The following ANKRD11 variants were observed in gnomAD, a reference collection of about 807,000 sequenced individuals.
ANKRD11 encodes ankyrin repeat domain 11.
A neutral mutation model predicts 195.7 loss-of-function variants in ANKRD11; 17 were observed. That is an observed-to-expected ratio of 0.09 (90% CI 0.06 to 0.13). The LOEUF (loss-of-function observed/expected upper bound fraction) is 0.13. Ranked by LOEUF, ANKRD11 falls within the 10% of genes least tolerant of loss-of-function variation. The pLI, the probability that ANKRD11 is intolerant of heterozygous loss-of-function variation, is 1.00. For missense variants in ANKRD11, 3,735 were observed against 3,566.1 expected, an observed-to-expected ratio of 1.05 and a Z score of -1.21; for synonymous variants, 1,953 against 1,528.1, an observed-to-expected ratio of 1.28 and a Z score of -6.49.
At chr16:89,432,941 C>CCTCTCTCTCT (rs1420955760) in intron 1 of ANKRD11, among the ~76,000 whole-genome samples, 4 of 50,546 alleles carry the variant, frequency 7.9e-5, no homozygotes, top group African/African-American at 2.5e-4. Flanking sequence ...TGACAGAGAC[C>CCTCTCTCTCT]CTATCTCTCT....
chr16:89,425,011 G>A (rs1451940528), intron 1 of ANKRD11, among the ~76,000 whole-genome samples: 2 of 151,814 alleles, frequency 1.3e-5, no homozygotes, highest in African/African-American at 2.4e-5. Context: ...TCGAAGAGAG[G>A]AGGAGACTGG....
chr16:89,432,266 CA>C (rs2043012631), intron 1 of ANKRD11, among the ~76,000 whole-genome samples: 2 of 151,774 alleles, frequency 1.3e-5, no homozygotes, highest in African/African-American at 2.4e-5. Context: ...CACACACACA[CA>C]CACACACACA....
intron 1 of ANKRD11, among the ~76,000 whole-genome samples, chr16:89,476,964 T>C (rs1339959462): frequency 2.0e-5 from 3 of 152,282 alleles, no homozygotes; most frequent in South Asian, 2.1e-4. Context: ...CAATCTATAA[T>C]ACGAGGAGCT....
In ANKRD11 at chr16:89,311,847, G is replaced by A. The variant is rs199886914; in HGVS notation, c.87+5086C>T. On this transcript the variant is annotated intron_variant, in intron 3 of 12. Coordinates refer to ENST00000301030, the MANE Select transcript of ANKRD11 (RefSeq NM_013275.6). ...GGCTTTTTCTTTCTTAAAGTGGGAA[G>A]TTTTTGCTTTATTCTAATAATGAAA... 2.6e-4 allele frequency among the ~76,000 whole-genome samples: 40 copies of A among 152,300 alleles called. 1 individual carries two copies. In the East Asian group the frequency reaches 7.1e-3, roughly 27 times the overall value.
In ANKRD11 at chr16:89,291,004, C is replaced by G; in HGVS notation, c.397+9G>C. 6.2e-7 allele frequency: 1 copy of G among 1,610,794 alleles called. No homozygotes were observed. The highest frequency in any genetic ancestry group is 8.5e-7 in the Non-Finnish European group (1 of 1,179,756). On this transcript the variant is annotated intron_variant, in intron 5 of 12. Coordinates refer to ENST00000301030, the MANE Select transcript of ANKRD11 (RefSeq NM_013275.6). This position sits in a 1 kb window ranked among gnomAD's most constrained non-coding sequence, Gnocchi z 5.3. ...CCTGCGCCAGGGACCACCCACAGGC[C>G]GGGCTCACCTGGGCTGTTGGCAGAC...
chr16:89,489,252 C>A (rs1567875883), intron 1 of ANKRD11: 1 of 152,478 alleles, frequency 6.6e-6, no homozygotes, highest in Admixed American at 6.5e-5. Flanking sequence ...CGCGCACACA[C>A]ATACACCACA....
At chr16:89,362,005 C>T (rs572352134) in intron 2 of ANKRD11, among the ~76,000 whole-genome samples, 4 of 152,254 alleles carry the variant, frequency 2.6e-5, no homozygotes, top group Admixed American at 2.0e-4. Context: ...GCAGGAGGAC[C>T]CTGAATTTAT....
At position 89,279,330 on chromosome 16, in the gene ANKRD11, C is replaced by A; in HGVS notation, c.7212G>T (p.Thr2404=). The change falls in exon 9 of 13, where the codon ACG becomes ACT. Residue 2404 remains threonine, a synonymous_variant. Transcript: ENST00000301030. The surrounding 1 kb of genome is among the most constrained non-coding windows in gnomAD (Gnocchi z 5.6). The stretch of plus-strand genomic sequence containing the variant: ...GCTGGATCACCTCCCGCGTCTGCTG[C>A]GTGGACGTGTTCAGCTGCTGCTGCA... The part of the protein sequence containing the change: ...QQLQQQLNTS[T]QQTREVIQQT... 1.2e-6 allele frequency: 2 copies of A among 1,611,552 alleles called. No individual in the cohort carries two copies. The highest frequency in any genetic ancestry group is 1.7e-6 in the Non-Finnish European group (2 of 1,179,622).
intron 4 of ANKRD11, among the ~76,000 whole-genome samples, chr16:89,297,078 C>T (rs1420605379): frequency 6.6e-6 from 1 of 151,910 alleles, no homozygotes; most frequent in Non-Finnish European, 1.5e-5. Flanking sequence ...TGAAGCTGGG[C>T]TCCAAGGCAG....
chr16:89,430,516 G>T (rs1301019911), intron 1 of ANKRD11, among the ~76,000 whole-genome samples: 4 of 151,008 alleles, frequency 2.6e-5, no homozygotes, highest in African/African-American at 7.3e-5. Context: ...ACACAGCAGG[G>T]ACTCTCAACT....
chr16:89,301,643 GAC>G (rs1314325451), intron 4 of ANKRD11: 6 of 398,614 alleles, frequency 1.5e-5, no homozygotes, highest in Non-Finnish European at 2.2e-5. Flanking sequence ...CGCTCTGGAA[GAC>G]ACAGAGGTGA....
Position 89,281,030 on chromosome 16 carries a change from C to G in ANKRD11, c.5512G>C (p.Val1838Leu), listed in dbSNP as rs2034186369. 2 of 1,596,922 alleles carry G rather than the reference C, an allele frequency of 1.3e-6. No individual in the cohort carries two copies. Among genetic ancestry groups the G allele is most frequent in the Non-Finnish European group, 1.7e-6 (2 of 1,169,898 alleles). The change falls in exon 9 of 13, where the codon GTT (valine) becomes CTT (leucine). Residue 1838 changes from valine (V) to leucine (L), a missense_variant. Coordinates refer to ENST00000301030, the MANE Select transcript of ANKRD11 (RefSeq NM_013275.6). This position sits in a 1 kb window ranked among gnomAD's most constrained non-coding sequence, Gnocchi z 5.5. The part of the protein sequence containing the change: ...SMEDRAPLPP[V>L]PAEKFACLSP... ...AAGCAGGCAAACTTCTCCGCGGGAA[C>G]CGGGGGCAGGGGCGCCCTGTCTTCC... is the stretch of plus-strand genomic sequence containing the variant.
At chr16:89,351,194 G>A (rs1186640651) in intron 2 of ANKRD11, among the ~76,000 whole-genome samples, 2 of 152,256 alleles carry the variant, frequency 1.3e-5, no homozygotes, top group African/African-American at 2.4e-5. Flanking sequence ...CAGAGAGGCG[G>A]CGGCGGCAGC....
chr16:89,470,816 C>T (rs1055042087), intron 1 of ANKRD11, among the ~76,000 whole-genome samples: 20 of 151,792 alleles, frequency 1.3e-4, no homozygotes, highest in Non-Finnish European at 2.6e-4. Context: ...GGTGAAACCC[C>T]GTCTCTACTA....
At chr16:89,470,185 CG>C (rs1567850090) in intron 1 of ANKRD11, among the ~76,000 whole-genome samples, 3 of 152,038 alleles carry the variant, frequency 2.0e-5, no homozygotes, top group Non-Finnish European at 2.9e-5. Context: ...GGATTACAGG[CG>C]TGAGTCACCA....
intron 1 of ANKRD11, among the ~76,000 whole-genome samples, chr16:89,483,107 TTC>T (rs2057496771): frequency 6.6e-6 from 1 of 152,164 alleles, no homozygotes; most frequent in South Asian, 2.1e-4. Context: ...CCAAGAGCTG[TTC>T]TCTGTCTCCC....
chr16:89,427,153 A>T (rs1297864528), intron 1 of ANKRD11, among the ~76,000 whole-genome samples: 1 of 152,250 alleles, frequency 6.6e-6, no homozygotes, highest in African/African-American at 2.4e-5. Context: ...AGATTAAGGA[A>T]ACATTTCCAT....
chr16:89,312,060 G>A (rs947726373), intron 3 of ANKRD11, among the ~76,000 whole-genome samples: 109 of 152,308 alleles, frequency 7.2e-4, no homozygotes, highest in African/African-American at 2.5e-3. Context: ...ACCATGCCCA[G>A]ATAATTTTTG....
At chr16:89,423,759 G>A (rs149388404) in intron 1 of ANKRD11, among the ~76,000 whole-genome samples, 23 of 152,348 alleles carry the variant, frequency 1.5e-4, no homozygotes, top group African/African-American at 5.3e-4. Context: ...GTAAGAAAAC[G>A]TTTTAAATGG....
Sources: allele counts gnomAD v4.1 joint callset (sites outside exome capture counted in the v4.1 genomes callset), GRCh38; gene constraint gnomAD v4.1.1; non-coding constraint Gnocchi (gnomAD v3.1); transcripts MANE v1.5; gene names NCBI Gene and HGNC (gene_info 2026-07-23, HGNC 2026-07-21).